The following RORA variants were observed in gnomAD, a reference collection of about 807,000 sequenced individuals.
RORA encodes the protein nuclear receptor ROR-alpha.
RORA carries 7 observed loss-of-function variants against 69.5 expected under a neutral mutation model. That is an observed-to-expected ratio of 0.10 (90% CI 0.06 to 0.19). The LOEUF is 0.19. Ranked by LOEUF, RORA falls within the 10% of genes least tolerant of loss-of-function variation. The pLI is 1.00. For synonymous variants in RORA, 261 were observed against 240.8 expected (o/e 1.08, Z -0.78); for missense variants, 457 against 663.0 (o/e 0.69, Z 3.41).
chr15:61,119,605 C>T (rs1024898989), intron 1 of RORA, among the ~76,000 whole-genome samples: 4 of 152,074 alleles, frequency 2.6e-5, no homozygotes, highest in South Asian at 2.1e-4. Context: ...AACCGGTCAT[C>T]GGGGCAACTA....
At chr15:61,046,247 G>A (rs539132004) in intron 1 of RORA, among the ~76,000 whole-genome samples, 2 of 152,294 alleles carry the variant, frequency 1.3e-5, no homozygotes, top group East Asian at 3.9e-4. Context: ...GGAAAAAGAG[G>A]AATCTACGTC....
chr15:60,680,388 A>G (rs1020198210), intron 1 of RORA, among the ~76,000 whole-genome samples: 2 of 152,284 alleles, frequency 1.3e-5, no homozygotes, highest in African/African-American at 2.4e-5. Flanking sequence ...TGAAAATACC[A>G]CTGCTTTGAC....
At chr15:60,607,674 T>C (rs2068983530) in intron 2 of RORA, among the ~76,000 whole-genome samples, 1 of 152,228 alleles carries the variant, frequency 6.6e-6, no homozygotes, top group Non-Finnish European at 1.5e-5. Flanking sequence ...CCTTTCCCCC[T>C]ATTTAAAGCT....
At chr15:60,765,180 G>A (rs1297194558) in intron 1 of RORA, 1 of 152,044 alleles carries the variant, frequency 6.6e-6, no homozygotes, top group Non-Finnish European at 1.5e-5. Context: ...CCCTGATACA[G>A]GCTATTTTTG....
At chr15:60,558,542 G>C in intron 2 of RORA, 1 of 415,980 alleles carries the variant, frequency 2.4e-6, no homozygotes, top group South Asian at 4.3e-5. Context: ...ATGTTTCTTT[G>C]AATTTTAATA....
chr15:61,132,506 T>A (rs927603281), intron 1 of RORA, among the ~76,000 whole-genome samples: 1 of 152,224 alleles, frequency 6.6e-6, no homozygotes, highest in Non-Finnish European at 1.5e-5. Context: ...TCAATATTAT[T>A]TTTATAGTAA....
chr15:61,122,811 T>C (rs1193885865), intron 1 of RORA, among the ~76,000 whole-genome samples: 1 of 152,148 alleles, frequency 6.6e-6, no homozygotes, highest in African/African-American at 2.4e-5. Context: ...TTGCTCTAAA[T>C]GTAAGCTACG....
intron 1 of RORA, among the ~76,000 whole-genome samples, chr15:61,192,580 A>G (rs1596061932): frequency 6.6e-6 from 1 of 152,220 alleles, no homozygotes; most frequent in Non-Finnish European, 1.5e-5. Context: ...GTCTGCCACA[A>G]TTCACTGTGG....
chr15:61,133,279 ATTC>A (rs913606116), intron 1 of RORA, among the ~76,000 whole-genome samples: 22 of 152,316 alleles, frequency 1.4e-4, no homozygotes, highest in African/African-American at 5.1e-4. Flanking sequence ...AGAGAAAGCC[ATTC>A]TTCTTTGCAT....
chr15:60,699,916 A>G (rs1038168940), intron 1 of RORA, among the ~76,000 whole-genome samples: 4 of 152,120 alleles, frequency 2.6e-5, no homozygotes, highest in Non-Finnish European at 5.9e-5. Flanking sequence ...TGAAGCTAAG[A>G]GGGCTTCATT....
Position 60,607,822 on chromosome 15 carries a change from A to G in RORA, c.196+70835T>C, listed in dbSNP as rs148336082. 9.1e-4 allele frequency among the ~76,000 whole-genome samples: 139 copies of G among 152,332 alleles called. 1 individual carries two copies. Among genetic ancestry groups the G allele is most frequent in the African/African-American group, 3.0e-3 (126 of 41,582 alleles). Reference sequence around the variant, plus strand: ...ACCTGCCAGAATTCTGGAGAAAGAAAGATTAGCAGTTAAAGCAAGTTCAAT... The same window carrying G: ...ACCTGCCAGAATTCTGGAGAAAGAAGGATTAGCAGTTAAAGCAAGTTCAAT... On this transcript the variant is annotated intron_variant, in intron 2 of 10. Coordinates refer to ENST00000335670, the MANE Select transcript of RORA (RefSeq NM_134261.3).
rs1303140365 is a variant in RORA at position 60,597,577 on chromosome 15, CAT to C, written c.197-65728_197-65727del. On this transcript the variant is annotated intron_variant, in intron 2 of 10. Transcript: ENST00000335670. ...ATATATATATATATATATATATACACATATATATATATATATACACATATATA... is the reference window on the plus strand; with the variant it reads ...ATATATATATATATATATATATACACATATATATATATATACACATATATA... Among the ~76,000 whole-genome samples the C allele has an allele frequency of 4.3e-4, 11 of 25,304 alleles. 2 individuals are homozygous for C. The highest frequency in any genetic ancestry group is 1.6e-3 in the African/African-American group (10 of 6,282). The allele number at this position is 25,304 out of a possible 152,430, so 16.6% of individuals were successfully genotyped here. A position where few individuals can be genotyped will look rare whatever the true frequency, so the allele number is the denominator to read the frequency against.
chr15:60,618,351 C>T (rs3784609), intron 2 of RORA, among the ~76,000 whole-genome samples: 23,062 of 152,204 alleles, frequency 0.15, 1,930 homozygotes, highest in Middle Eastern at 0.28. Flanking sequence ...CACACAGCCC[C>T]TACAGATACA....
intron 1 of RORA, among the ~76,000 whole-genome samples, chr15:61,051,247 G>T (rs1897277329): frequency 3.3e-5 from 5 of 152,178 alleles, no homozygotes; most frequent in Admixed American, 3.3e-4. Context: ...AAGGAATCTG[G>T]AAGGTTTTGA....
rs78073057 is a variant in RORA at position 61,098,804 on chromosome 15, A to G, written c.166+130249T>C. ...AAAGTGAACTTAACTCCTCTTGATT[A>G]CTGTTATTGGAATGTCTAAACTTAA... On this transcript the variant is annotated intron_variant, in intron 1 of 10. Coordinates refer to ENST00000335670, the MANE Select transcript of RORA (RefSeq NM_134261.3). 4.1e-3 allele frequency among the ~76,000 whole-genome samples: 620 copies of G among 152,350 alleles called. 1 individual carries two copies. Among genetic ancestry groups the G allele is most frequent in the Middle Eastern group, 0.037 (11 of 294 alleles).
Position 60,627,233 on chromosome 15 carries a change from C to G in RORA, c.196+51424G>C, listed in dbSNP as rs73424068. 5.0e-6 allele frequency: 8 copies of G among 1,614,004 alleles called. No homozygotes were observed. Among genetic ancestry groups the G allele is most frequent in the Non-Finnish European group, 5.9e-6 (7 of 1,179,972 alleles). ...AGCAAAGAACTTGCTCTCAGTGGCTCTTACCTTCTGGCTCCTTCACCTGCA... is the reference window on the plus strand; with the variant it reads ...AGCAAAGAACTTGCTCTCAGTGGCTGTTACCTTCTGGCTCCTTCACCTGCA... On this transcript the variant is annotated intron_variant, in intron 2 of 10. Transcript: ENST00000335670.
At chr15:60,665,701 CT>C (rs996147854) in intron 2 of RORA, among the ~76,000 whole-genome samples, 2 of 151,840 alleles carry the variant, frequency 1.3e-5, no homozygotes, top group Non-Finnish European at 2.9e-5. Flanking sequence ...TCTTTCTTTT[CT>C]TTTTTTTGAG....
In RORA at chr15:60,505,494, T is replaced by G; in HGVS notation, c.942+14A>C. 1 of 1,613,590 alleles carries G rather than the reference T, an allele frequency of 6.2e-7. No individual in the cohort carries two copies. On this transcript the variant is annotated intron_variant, in intron 6 of 10. Coordinates refer to ENST00000335670, the MANE Select transcript of RORA (RefSeq NM_134261.3). ...TTGCCTCAATCCTAGGAGGAAAAAT[T>G]CCTCAGATCATACCTTGTTTTGATA...
At chr15:60,743,918 G>A (rs1370559038) in intron 1 of RORA, among the ~76,000 whole-genome samples, 3 of 152,156 alleles carry the variant, frequency 2.0e-5, no homozygotes, top group Non-Finnish European at 4.4e-5. Flanking sequence ...CATGGAATGG[G>A]GATGAAGGAG....
Sources: allele counts gnomAD v4.1 joint callset (sites outside exome capture counted in the v4.1 genomes callset), GRCh38; gene constraint gnomAD v4.1.1; transcripts MANE v1.5; gene names NCBI Gene and HGNC (gene_info 2026-07-23, HGNC 2026-07-21).